ENTREP2: variants seen among roughly 807,000 people sequenced by gnomAD.
The protein encoded by ENTREP2 is protein ENTREP2.
At chr15:29,533,111 T>TAGC in the ENTREP2 span, among the ~76,000 whole-genome samples, 1 of 152,128 alleles carries the variant, frequency 6.6e-6, no homozygotes, top group East Asian at 1.9e-4. Context: ...ATAGGCTTCG[T>TAGC]AGCAGCACTC....
At chr15:29,454,586 A>G in the ENTREP2 span, among the ~76,000 whole-genome samples, 1,587 of 152,252 alleles carry the variant, frequency 0.01, 22 homozygotes, top group African/African-American at 0.037. Flanking sequence ...TTTAATCCAT[A>G]TAGTTAGTAT....
chr15:29,465,227 G>A, the ENTREP2 span, among the ~76,000 whole-genome samples: 5 of 151,900 alleles, frequency 3.3e-5, no homozygotes, highest in Non-Finnish European at 7.4e-5. Context: ...AAATGTGCAA[G>A]CAGAAAAAAG....
At chr15:29,187,905 GAGAT>G in the ENTREP2 span, among the ~76,000 whole-genome samples, 1 of 152,278 alleles carries the variant, frequency 6.6e-6, no homozygotes, top group East Asian at 1.9e-4. Context: ...TGCAAACAAA[GAGAT>G]AGCAGATATT....
the ENTREP2 span, among the ~76,000 whole-genome samples, chr15:29,428,741 G>A: frequency 2.0e-5 from 3 of 152,116 alleles, no homozygotes; most frequent in African/African-American, 7.2e-5. Flanking sequence ...CCATTCACCA[G>A]CACACACAAA....
the ENTREP2 span, among the ~76,000 whole-genome samples, chr15:29,642,570 AC>A: frequency 7.5e-6 from 1 of 132,514 alleles, no homozygotes; most frequent in African/African-American, 2.8e-5. Flanking sequence ...TATACTATAT[AC>A]TATATATATA....
the ENTREP2 span, among the ~76,000 whole-genome samples, chr15:29,498,151 A>G: frequency 6.6e-6 from 1 of 152,122 alleles, no homozygotes; most frequent in Non-Finnish European, 1.5e-5. Context: ...CTGCTGCCTT[A>G]TGAAGATGTG....
the ENTREP2 span, among the ~76,000 whole-genome samples, chr15:29,578,898 T>C: frequency 6.6e-6 from 1 of 152,312 alleles, no homozygotes; most frequent in Non-Finnish European, 1.5e-5. Flanking sequence ...ACTTAATTAT[T>C]GAAGGAGGGT....
chr15:29,154,781 C>T, the ENTREP2 span, among the ~76,000 whole-genome samples: 1 of 152,192 alleles, frequency 6.6e-6, no homozygotes, highest in Admixed American at 6.5e-5. Flanking sequence ...CTGGACAATT[C>T]CCTGTTCTCC....
the ENTREP2 span, among the ~76,000 whole-genome samples, chr15:29,458,232 G>A: frequency 1.3e-5 from 2 of 152,082 alleles, no homozygotes; most frequent in South Asian, 4.2e-4. Flanking sequence ...CTCAAGTAGA[G>A]ACAGCAAATT....
chr15:29,279,663 T>C, the ENTREP2 span, among the ~76,000 whole-genome samples: 8 of 152,030 alleles, frequency 5.3e-5, no homozygotes, highest in Non-Finnish European at 7.4e-5. Flanking sequence ...GCGCCTGGCC[T>C]CAGTTGGGAT....
At chr15:29,641,829 C>T in the ENTREP2 span, among the ~76,000 whole-genome samples, 1 of 123,444 alleles carries the variant, frequency 8.1e-6, no homozygotes, top group Non-Finnish European at 1.6e-5. Flanking sequence ...AAGACTCTGT[C>T]TCAAAAAAAA....
At chr15:29,183,990 T>A in the ENTREP2 span, among the ~76,000 whole-genome samples, 1 of 151,192 alleles carries the variant, frequency 6.6e-6, no homozygotes, top group Non-Finnish European at 1.5e-5. Flanking sequence ...GCTAGTAACT[T>A]TTTTTTTTGA....
At chr15:29,216,269 T>C in the ENTREP2 span, among the ~76,000 whole-genome samples, 1 of 152,200 alleles carries the variant, frequency 6.6e-6, no homozygotes, top group Non-Finnish European at 1.5e-5. Flanking sequence ...ATAATTGTTT[T>C]GTTTCAAGAG....
the ENTREP2 span, among the ~76,000 whole-genome samples, chr15:29,412,677 CATA>C: frequency 1.3e-5 from 2 of 152,038 alleles, no homozygotes; most frequent in African/African-American, 4.8e-5. Context: ...CCTTTTCATT[CATA>C]ATAATGGTTA....
chr15:29,383,911 C>T, the ENTREP2 span, among the ~76,000 whole-genome samples: 3 of 152,310 alleles, frequency 2.0e-5, no homozygotes, highest in South Asian at 4.1e-4. Context: ...ACATTATTTA[C>T]AGCCATTTCC....
At chr15:29,662,622 G>A in the ENTREP2 span, among the ~76,000 whole-genome samples, 3 of 151,996 alleles carry the variant, frequency 2.0e-5, no homozygotes, top group Non-Finnish European at 2.9e-5. Context: ...GGGCCACCTC[G>A]CCCAGCAGTG....
chr15:29,189,102 C>G, the ENTREP2 span, among the ~76,000 whole-genome samples: 1 of 152,208 alleles, frequency 6.6e-6, no homozygotes, highest in Non-Finnish European at 1.5e-5. Context: ...GTGAGCCACT[C>G]TAGCAATTCA....
At chr15:29,250,011 C>T in the ENTREP2 span, among the ~76,000 whole-genome samples, 8 of 152,280 alleles carry the variant, frequency 5.3e-5, no homozygotes, top group East Asian at 1.9e-4. Context: ...GTGCTAACCA[C>T]TCATGAGAAT....
chr15:29,200,911 T>C, the ENTREP2 span, among the ~76,000 whole-genome samples: 1 of 152,214 alleles, frequency 6.6e-6, no homozygotes, highest in Non-Finnish European at 1.5e-5. Flanking sequence ...TTTACTACAT[T>C]GAATTTTCCA....
Sources: gnomAD v4.1 joint callset for allele counts (sites outside exome capture counted in the v4.1 genomes callset) on GRCh38, gnomAD v4.1.1 for gene constraint, MANE v1.5 for transcripts, NCBI Gene and HGNC (gene_info 2026-07-23, HGNC 2026-07-21) for gene names.